CLNK: variants seen among roughly 807,000 people sequenced by gnomAD.
The protein encoded by CLNK is cytokine dependent hematopoietic cell linker, also known as cytokine-dependent hematopoietic cell linker.
Under a neutral mutation model 68.6 loss-of-function variants are expected in CLNK, and 74 were observed. The observed-to-expected ratio is 1.08, with a 90% confidence interval of 0.89 to 1.31. The LOEUF (loss-of-function observed/expected upper bound fraction) is 1.31. Ranked by LOEUF, CLNK falls within the 50% of genes most tolerant of loss-of-function variation. CLNK has a pLI of 0.00. For synonymous variants in CLNK, 198 were observed against 172.2 expected (o/e 1.15, Z -1.17); for missense variants, 553 against 515.3 (o/e 1.07, Z -0.71).
chr4:10,562,092 TTTTCTTTTC>T (rs1248159359), intron 7 of CLNK, among the ~76,000 whole-genome samples: 1 of 80,930 alleles, frequency 1.2e-5, no homozygotes, highest in African/African-American at 4.3e-5. Flanking sequence ...TTTCTTTTCT[TTTTCTTTTC>T]TTTTTTTTTT....
At chr4:10,670,041 A>G (rs1316260902) in intron 1 of CLNK, among the ~76,000 whole-genome samples, 1 of 152,214 alleles carries the variant, frequency 6.6e-6, no homozygotes, top group Non-Finnish European at 1.5e-5. Context: ...GTGGCCTTGA[A>G]GGAACACTTG....
chr4:10,699,293 C>CACACACACCACATCCGTGTGTGTAT, the CLNK span, among the ~76,000 whole-genome samples: 1 of 15,662 alleles, frequency 6.4e-5, no homozygotes, highest in African/African-American at 1.8e-4. Context: ...TACGTGTATA[C>CACACACACCACATCCGTGTGTGTAT]ACACACACAC....
chr4:10,533,157 C>A (rs1371755389), intron 11 of CLNK, among the ~76,000 whole-genome samples: 1 of 152,148 alleles, frequency 6.6e-6, no homozygotes, highest in East Asian at 1.9e-4. Flanking sequence ...ACTCGGGAGG[C>A]TGAGGCAGGA....
chr4:10,494,684 C>G (rs1387523021), intron 18 of CLNK, among the ~76,000 whole-genome samples: 1 of 152,170 alleles, frequency 6.6e-6, no homozygotes, highest in African/African-American at 2.4e-5. Flanking sequence ...GTCTTGAACT[C>G]TTGACCTCAA....
In CLNK at chr4:10,526,048, A is replaced by G. The variant is rs1267793627; in HGVS notation, c.650-126T>C. The G allele has an allele frequency of 4.8e-6, 3 of 619,520 alleles. No individual in the cohort carries two copies. In the East Asian group the frequency reaches 8.3e-5, roughly 17 times the overall value. The allele number at this position is 619,520 out of a possible 1,614,324, so 38.4% of individuals were successfully genotyped here. ...TCTGATTATTAGAAGGGGGCTCTTG[A>G]TGGTCGGTGGAAACTATAACTCATG... On this transcript the variant is annotated intron_variant, in intron 13 of 18. Transcript: ENST00000226951.
intron 2 of CLNK, among the ~76,000 whole-genome samples, chr4:10,611,278 A>T (rs1223427341): frequency 2.0e-5 from 3 of 152,216 alleles, no homozygotes; most frequent in African/African-American, 4.8e-5. Context: ...AGATCACAGT[A>T]CTGCACTCCA....
chr4:10,607,374 C>A (rs899628751), intron 2 of CLNK, among the ~76,000 whole-genome samples: 2 of 152,176 alleles, frequency 1.3e-5, no homozygotes, highest in Non-Finnish European at 2.9e-5. Flanking sequence ...TATCATTTGG[C>A]CATAGTACAA....
chr4:10,581,390 T>C lies in CLNK; in HGVS notation c.112+3537A>G, dbSNP rs535059906. 4.6e-5 allele frequency among the ~76,000 whole-genome samples: 7 copies of C among 152,178 alleles called. No homozygotes were observed. The East Asian group carries it at 1.4e-3, about 29-fold the overall frequency. On this transcript the variant is annotated intron_variant, in intron 4 of 18. Transcript: ENST00000226951. The stretch of plus-strand genomic sequence containing the variant: ...AGAGAGAGGAGAGAGAGAGACTCAG[T>C]CATCTAGCTCTCTGGGTATTTCAGT...
At chr4:10,675,795 T>G (rs1431634584) in intron 1 of CLNK, among the ~76,000 whole-genome samples, 1 of 152,162 alleles carries the variant, frequency 6.6e-6, no homozygotes, top group Non-Finnish European at 1.5e-5. Flanking sequence ...AAAGAAAAGC[T>G]TTGAATGAAT....
intron 7 of CLNK, among the ~76,000 whole-genome samples, chr4:10,563,221 A>G (rs964296244): frequency 3.3e-5 from 5 of 152,220 alleles, no homozygotes; most frequent in African/African-American, 1.2e-4. Flanking sequence ...AAAGCAGGTT[A>G]ATACTCACTA....
At position 10,543,722 on chromosome 4, in the gene CLNK, A is replaced by AAT. The variant is rs938016510; in HGVS notation, c.446-1444_446-1443dup. ...TTAATGGCTCTTCTATGTCTAAAAC[A>AAT]ATTACTTCAAAGAATAAGAATAAAA... is the stretch of plus-strand genomic sequence containing the variant. On this transcript the variant is annotated intron_variant, in intron 8 of 18. Transcript: ENST00000226951. 1.4e-3 allele frequency among the ~76,000 whole-genome samples: 217 copies of AAT among 152,356 alleles called. 2 individuals are homozygous for AAT. The highest frequency in any genetic ancestry group is 5.0e-3 in the African/African-American group (206 of 41,592).
At chr4:10,533,603 C>T (rs1012146025) in intron 11 of CLNK, among the ~76,000 whole-genome samples, 4 of 152,148 alleles carry the variant, frequency 2.6e-5, no homozygotes, top group Admixed American at 6.5e-5. Flanking sequence ...CATCTTACCC[C>T]CTGCCTCCCG....
chr4:10,674,819 T>A (rs1358771256), intron 1 of CLNK, among the ~76,000 whole-genome samples: 1 of 152,218 alleles, frequency 6.6e-6, no homozygotes, highest in African/African-American at 2.4e-5. Flanking sequence ...TTTGATTTCA[T>A]TGTTCAACCC....
intron 12 of CLNK, chr4:10,531,739 C>A (rs1163431164): frequency 8.8e-6 from 4 of 456,728 alleles, no homozygotes; most frequent in Non-Finnish European, 1.3e-5. Context: ...CTGCACCTGG[C>A]CCCCATCCCT....
chr4:10,553,144 G>A (rs1719528034), intron 8 of CLNK, among the ~76,000 whole-genome samples: 1 of 152,124 alleles, frequency 6.6e-6, no homozygotes, highest in Admixed American at 6.5e-5. Flanking sequence ...CCAAACAATG[G>A]ATCATTTATA....
intron 5 of CLNK, among the ~76,000 whole-genome samples, chr4:10,569,780 C>T (rs1269296742): frequency 6.6e-6 from 1 of 152,236 alleles, no homozygotes; most frequent in African/African-American, 2.4e-5. Flanking sequence ...GGAAAGGTTA[C>T]TTAAGCTCCC....
chr4:10,564,760 C>G lies in CLNK; in HGVS notation c.310G>C (p.Val104Leu). 6.2e-7 allele frequency: 1 copy of G among 1,610,428 alleles called. No individual in the cohort carries two copies. The highest frequency in any genetic ancestry group is 8.5e-7 in the Non-Finnish European group (1 of 1,176,736). ...SEYADTHYFK[V>L]AMDTPLPLDT... ...AACGGAAGGGGAGTGTCCATTGCAA[C>G]CTTGAAATAGTGTGTATCTATGCAA... is the stretch of plus-strand genomic sequence containing the variant. The change falls in exon 7 of 19, where the codon GTT becomes CTT. Residue 104 changes from valine (V) to leucine (L), a missense_variant. Physicochemically the swap from Val to Leu is conservative, Grantham distance 32. Coordinates refer to ENST00000226951, the MANE Select transcript of CLNK (RefSeq NM_052964.4).
intron 11 of CLNK, among the ~76,000 whole-genome samples, chr4:10,536,711 A>C (rs1185139396): frequency 6.6e-6 from 1 of 152,158 alleles, no homozygotes. Context: ...CAATAAGAGA[A>C]AATATAATTA....
chr4:10,631,314 T>C (rs1307122674), intron 2 of CLNK, among the ~76,000 whole-genome samples: 1 of 152,152 alleles, frequency 6.6e-6, no homozygotes, highest in Non-Finnish European at 1.5e-5. Context: ...CTGCGGGAAG[T>C]CATTTAATGA....
Sources: gnomAD v4.1 joint callset for allele counts (sites outside exome capture counted in the v4.1 genomes callset) on GRCh38, gnomAD v4.1.1 for gene constraint, MANE v1.5 for transcripts, NCBI Gene and HGNC (gene_info 2026-07-23, HGNC 2026-07-21) for gene names.